RAB3C: variants seen among roughly 807,000 people sequenced by gnomAD.
The protein encoded by RAB3C is ras-related protein Rab-3C.
RAB3C carries 17 observed loss-of-function variants against 26.4 expected under a neutral mutation model. The observed-to-expected ratio is 0.64, with a 90% CI of 0.44 to 0.97. RAB3C has a LOEUF of 0.97. Among genes scored for constraint, RAB3C ranks in the 50% least tolerant of loss-of-function variants. RAB3C has a pLI of 0.00. For missense variants in RAB3C, 242 were observed against 281.9 expected, an observed-to-expected ratio of 0.86 and a Z score of 1.01; for synonymous variants, 91 against 95.9, an observed-to-expected ratio of 0.95 and a Z score of 0.30.
At chr5:58,824,060 AT>A (rs1358550997) in intron 3 of RAB3C, among the ~76,000 whole-genome samples, 2 of 151,860 alleles carry the variant, frequency 1.3e-5, no homozygotes, top group Non-Finnish European at 2.9e-5. Context: ...TGAACTCATC[AT>A]TTTTTATGGC....
chr5:58,756,287 T>C (rs1466799059), intron 3 of RAB3C, among the ~76,000 whole-genome samples: 1 of 147,866 alleles, frequency 6.8e-6, no homozygotes, highest in Non-Finnish European at 1.5e-5. Context: ...TTCCTAAGAA[T>C]GTAGATATTC....
At chr5:58,767,242 C>G (rs922031264) in intron 3 of RAB3C, among the ~76,000 whole-genome samples, 1 of 152,152 alleles carries the variant, frequency 6.6e-6, no homozygotes, top group African/African-American at 2.4e-5. Context: ...TGAAGTGATG[C>G]AGGCAGCCAA....
intron 2 of RAB3C, among the ~76,000 whole-genome samples, chr5:58,715,444 G>A (rs1172657190): frequency 6.6e-6 from 1 of 151,566 alleles, no homozygotes; most frequent in Non-Finnish European, 1.5e-5. Flanking sequence ...AGTACGGAAG[G>A]GAATTAATGA....
intron 4 of RAB3C, among the ~76,000 whole-genome samples, chr5:58,837,573 T>C (rs1011263522): frequency 4.0e-5 from 6 of 150,454 alleles, no homozygotes; most frequent in South Asian, 2.1e-4. Flanking sequence ...TTTTTTTTTT[T>C]TTTGAAACAA....
chr5:58,593,557 C>T (rs1746182802), intron 1 of RAB3C, among the ~76,000 whole-genome samples: 1 of 151,932 alleles, frequency 6.6e-6, no homozygotes, highest in Non-Finnish European at 1.5e-5. Flanking sequence ...ATGTGTTTTT[C>T]AAATTAAATT....
intron 4 of RAB3C, 65 bp from the exon 5 acceptor site, chr5:58,851,099 A>T (rs1216646047): frequency 6.8e-7 from 1 of 1,477,172 alleles, no homozygotes; most frequent in African/African-American, 1.4e-5. Context: ...GAAAGCCATA[A>T]TCAAGTCCCA....
chr5:58,611,079 A>G (rs1004537448), intron 1 of RAB3C, among the ~76,000 whole-genome samples: 3 of 151,812 alleles, frequency 2.0e-5, no homozygotes, highest in African/African-American at 7.2e-5. Flanking sequence ...CCTGCAAAAG[A>G]CATTTTTATG....
intron 4 of RAB3C, among the ~76,000 whole-genome samples, chr5:58,830,627 C>G (rs1271007177): frequency 6.6e-6 from 1 of 152,200 alleles, no homozygotes; most frequent in Non-Finnish European, 1.5e-5. Flanking sequence ...ATGAACTTTT[C>G]AGTTTAAATC....
chr5:58,826,332 A>G (rs1743476469), intron 4 of RAB3C, among the ~76,000 whole-genome samples: 1 of 152,170 alleles, frequency 6.6e-6, no homozygotes, highest in Non-Finnish European at 1.5e-5. Flanking sequence ...TTATGAGTAA[A>G]GGGCACAGTC....
At chr5:58,687,997 T>A (rs1208583454) in intron 2 of RAB3C, among the ~76,000 whole-genome samples, 2 of 152,148 alleles carry the variant, frequency 1.3e-5, no homozygotes, top group Non-Finnish European at 2.9e-5. Flanking sequence ...GAATATGATA[T>A]TTCCAACATA....
At chr5:58,766,374 C>G (rs149163186) in intron 3 of RAB3C, among the ~76,000 whole-genome samples, 2,120 of 152,248 alleles carry the variant, frequency 0.014, 38 homozygotes, top group African/African-American at 0.049. Flanking sequence ...CCTCGGCCCC[C>G]CAAAGTGCTG....
intron 3 of RAB3C, among the ~76,000 whole-genome samples, chr5:58,737,166 G>A (rs941492143): frequency 6.6e-6 from 1 of 151,674 alleles, no homozygotes; most frequent in Non-Finnish European, 1.5e-5. Context: ...TTCAAGACAT[G>A]CCTGTACCTA....
chr5:58,778,942 G>A (rs535690031), intron 3 of RAB3C, among the ~76,000 whole-genome samples: 20 of 152,194 alleles, frequency 1.3e-4, no homozygotes, highest in African/African-American at 3.1e-4. Flanking sequence ...TAATAATAGC[G>A]TCATTCTCCA....
In RAB3C at chr5:58,825,037, G is replaced by T; in HGVS notation, c.372-1G>T. ...TGTCATGCTTCTTCTTTTTCTTTTA[G>T]GTCAACTCAAATCAAAACATACTCT... On this transcript the variant is annotated splice_acceptor_variant, in intron 3 of 4. Transcript: ENST00000282878. LOFTEE classifies it high-confidence loss of function. The T allele has an allele frequency of 6.3e-7, 1 of 1,596,448 alleles. No individual in the cohort carries two copies. The highest frequency in any genetic ancestry group is 8.5e-7 in the Non-Finnish European group (1 of 1,170,972).
At chr5:58,696,290 A>G (rs961118836) in intron 2 of RAB3C, among the ~76,000 whole-genome samples, 3 of 152,194 alleles carry the variant, frequency 2.0e-5, no homozygotes, top group Admixed American at 6.5e-5. Flanking sequence ...ATCGTGGTGG[A>G]TAAGCTTTTT....
At chr5:58,638,688 G>A (rs1747341702) in intron 2 of RAB3C, among the ~76,000 whole-genome samples, 1 of 152,146 alleles carries the variant, frequency 6.6e-6, no homozygotes, top group African/African-American at 2.4e-5. Context: ...ATTGAAAATA[G>A]CAGGAAACAG....
intron 2 of RAB3C, among the ~76,000 whole-genome samples, chr5:58,627,582 C>T (rs1747087274): frequency 6.8e-6 from 1 of 147,114 alleles, no homozygotes; most frequent in Admixed American, 6.9e-5. Context: ...TCAAGCCAGA[C>T]TTAAGAAAAA....
intron 2 of RAB3C, among the ~76,000 whole-genome samples, chr5:58,701,025 T>C (rs1364436584): frequency 6.6e-6 from 1 of 151,896 alleles, no homozygotes; most frequent in Non-Finnish European, 1.5e-5. Context: ...AGATGGACTC[T>C]CACCCTGTCA....
At chr5:58,771,816 CT>C (rs1009849339) in intron 3 of RAB3C, among the ~76,000 whole-genome samples, 13 of 148,106 alleles carry the variant, frequency 8.8e-5, no homozygotes, top group East Asian at 3.9e-4. Flanking sequence ...GTGAAAACAT[CT>C]TTTTTTTTCT....
Sources: gnomAD v4.1 joint callset for allele counts (sites outside exome capture counted in the v4.1 genomes callset) on GRCh38, gnomAD v4.1.1 for gene constraint, MANE v1.5 for transcripts, NCBI Gene and HGNC (gene_info 2026-07-23, HGNC 2026-07-21) for gene names.